Variants in SOX6 observed in about 807,000 individuals in gnomAD.
SOX6 encodes the protein transcription factor SOX-6.
SOX6 carries 11 observed loss-of-function variants against 97.8 expected under a neutral mutation model. That is an observed-to-expected ratio of 0.11 (90% confidence interval 0.07 to 0.19). SOX6 has a LOEUF of 0.19. Among genes scored for constraint, SOX6 ranks in the 10% least tolerant of loss-of-function variants. The pLI, the probability that SOX6 is intolerant of heterozygous loss-of-function variation, is 1.00. For missense variants in SOX6, 810 were observed against 1,039.5 expected (o/e 0.78, Z 3.04); for synonymous variants, 360 against 371.4 (o/e 0.97, Z 0.35).
At chr11:16,480,035 T>G (rs1860315784), upstream of SOX6, among the ~76,000 whole-genome samples, 1 of 152,090 alleles carries the variant, frequency 6.6e-6, no homozygotes, top group Non-Finnish European at 1.5e-5. Context: ...AAATCTATAT[T>G]TATTGACAAA....
intron 3 of SOX6, among the ~76,000 whole-genome samples, chr11:16,276,556 TATAA>T (rs1854405576): frequency 6.6e-6 from 1 of 152,138 alleles, no homozygotes; most frequent in African/African-American, 2.4e-5. Flanking sequence ...ATAAAAAAGG[TATAA>T]ATAGAATAAT....
intron 3 of SOX6, chr11:16,264,431 C>T (rs916257046): frequency 6.6e-6 from 1 of 151,916 alleles, no homozygotes; most frequent in Non-Finnish European, 1.5e-5. Flanking sequence ...TTTTTTATAG[C>T]TACATATACT....
intron 1 of SOX6, among the ~76,000 whole-genome samples, chr11:16,378,755 A>G (rs1402748453): frequency 6.6e-6 from 1 of 152,094 alleles, no homozygotes; most frequent in Non-Finnish European, 1.5e-5. Flanking sequence ...AAAACTTTAG[A>G]TTTCATGAGA....
At chr11:16,538,933 A>G (rs1371653551) in intron 4 of SOX6, among the ~76,000 whole-genome samples, 1 of 152,170 alleles carries the variant, frequency 6.6e-6, no homozygotes, top group Non-Finnish European at 1.5e-5. Context: ...GAAGGTTAAC[A>G]AGGATATCCA....
At position 15,989,368 on chromosome 11, in the gene SOX6, G is replaced by T. The variant is rs996884064; in HGVS notation, c.1733-138C>A. 6.2e-6 allele frequency: 4 copies of T among 650,132 alleles called. No homozygotes were observed. In the African/African-American group the frequency reaches 7.3e-5, roughly 12 times the overall value. The allele number at this position is 650,132 out of a possible 1,614,324, so 40.3% of individuals were successfully genotyped here. A position where few individuals can be genotyped will look rare whatever the true frequency, so the allele number is the denominator to read the frequency against. On this transcript the variant is annotated intron_variant, in intron 13 of 15. Transcript: ENST00000683767. Reference sequence around the variant, plus strand: ...CTAAGTGACTTCTTGGAAGTAGAAGGCAGGTTCAAATGACAGTTCTACAGG... The same window carrying T: ...CTAAGTGACTTCTTGGAAGTAGAAGTCAGGTTCAAATGACAGTTCTACAGG...
chr11:16,411,365 C>T (rs1051320036), intron 1 of SOX6, among the ~76,000 whole-genome samples: 1 of 152,102 alleles, frequency 6.6e-6, no homozygotes, highest in Non-Finnish European at 1.5e-5. Context: ...AAAGTATCAA[C>T]ACCCAAGGGA....
intron 11 of SOX6, among the ~76,000 whole-genome samples, chr11:16,048,371 C>T (rs1375291034): frequency 6.6e-6 from 1 of 152,112 alleles, no homozygotes; most frequent in Non-Finnish European, 1.5e-5. Flanking sequence ...TCCAATATTC[C>T]AAAATTCATT....
At position 16,024,741 on chromosome 11, in the gene SOX6, C is replaced by G. The variant is rs535030026; in HGVS notation, c.1624-9691G>C. Reference sequence around the variant, plus strand: ...TGCTCTATGCCCAGAGAGAACTGTGCGCTGCAAGCAGAGAAGCATGCAGCA... The same window carrying G: ...TGCTCTATGCCCAGAGAGAACTGTGGGCTGCAAGCAGAGAAGCATGCAGCA... On this transcript the variant is annotated intron_variant, in intron 12 of 15. Transcript: ENST00000683767. 9.2e-4 allele frequency among the ~76,000 whole-genome samples: 140 copies of G among 152,044 alleles called. 3 individuals are homozygous for G. The South Asian group carries it at 0.028, about 31-fold the overall frequency.
intron 4 of SOX6, among the ~76,000 whole-genome samples, chr11:16,194,015 T>G (rs1590016845): frequency 2.6e-5 from 4 of 152,270 alleles, no homozygotes. Context: ...TTCTTTTAAA[T>G]GTCACAAAAC....
At chr11:16,632,626 C>T (rs1315263440) in intron 3 of SOX6, among the ~76,000 whole-genome samples, 3 of 152,194 alleles carry the variant, frequency 2.0e-5, no homozygotes, top group East Asian at 3.9e-4. Flanking sequence ...GGAGGGCAGG[C>T]ACAAGCACCA....
At chr11:16,203,083 A>G (rs564778269) in intron 4 of SOX6, among the ~76,000 whole-genome samples, 1 of 152,236 alleles carries the variant, frequency 6.6e-6, no homozygotes, top group South Asian at 2.1e-4. Flanking sequence ...AAGGAGAAAA[A>G]TCTGAAATAC....
intron 12 of SOX6, among the ~76,000 whole-genome samples, chr11:16,039,242 C>A (rs935182518): frequency 1.3e-5 from 2 of 152,034 alleles, no homozygotes; most frequent in Non-Finnish European, 2.9e-5. Context: ...ACCCAAAATT[C>A]TTTTTACATC....
intron 3 of SOX6, among the ~76,000 whole-genome samples, chr11:16,279,973 T>G (rs771117228): frequency 6.6e-6 from 1 of 152,048 alleles, no homozygotes; most frequent in Non-Finnish European, 1.5e-5. Flanking sequence ...GAAAACAATT[T>G]CAAAATGACC....
chr11:15,988,898 C>T (rs939148666), intron 14 of SOX6, 99 bp downstream of exon 14: 4 of 1,236,002 alleles, frequency 3.2e-6, no homozygotes, highest in Non-Finnish European at 4.7e-6. Context: ...CCGCCACAAT[C>T]TCCCTTAGGA....
chr11:16,449,300 T>TTTTTTTTTG (rs1859672662), intron 1 of SOX6, among the ~76,000 whole-genome samples: 1 of 99,966 alleles, frequency 1.0e-5, no homozygotes, highest in African/African-American at 3.6e-5. Flanking sequence ...TTTTTTTTTT[T>TTTTTTTTTG]TTTTTTTTTT....
chr11:16,548,106 A>G (rs2133182507), intron 4 of SOX6, among the ~76,000 whole-genome samples: 1 of 152,320 alleles, frequency 6.6e-6, no homozygotes, highest in African/African-American at 2.4e-5. Flanking sequence ...TGCAAGCTCA[A>G]AGACCATAAA....
rs73417035 is a variant in SOX6 at position 15,986,163 on chromosome 11, G to A, written c.2183+41C>T. On this transcript the variant is annotated intron_variant, in intron 15 of 15. Coordinates refer to ENST00000683767, the MANE Select transcript of SOX6 (RefSeq NM_001367873.1). ...AGTAGCCATCCTATAGTTACTTACC[G>A]CAAAAGTAAAGCCCAGGTGGCTAAA... The A allele has an allele frequency of 3.4e-3, 5,364 of 1,574,848 alleles. 148 individuals carry two copies. The African/African-American group carries it at 0.06, about 18-fold the overall frequency.
chr11:16,038,957 C>G (rs1356010663), intron 12 of SOX6, among the ~76,000 whole-genome samples: 1 of 152,052 alleles, frequency 6.6e-6, no homozygotes, highest in Non-Finnish European at 1.5e-5. Flanking sequence ...CAGAGAAGAC[C>G]TATGTCTCTT....
At chr11:16,091,962 G>A (rs1348394129) in intron 9 of SOX6, among the ~76,000 whole-genome samples, 2 of 152,052 alleles carry the variant, frequency 1.3e-5, no homozygotes, top group African/African-American at 4.8e-5. Context: ...AATGAAGACA[G>A]AAACTCTGCC....
Sources: allele counts gnomAD v4.1 joint callset (sites outside exome capture counted in the v4.1 genomes callset), GRCh38; gene constraint gnomAD v4.1.1; transcripts MANE v1.5; gene names NCBI Gene and HGNC (gene_info 2026-07-23, HGNC 2026-07-21).